Variants in LINGO2 observed in about 807,000 individuals in gnomAD.
LINGO2 encodes leucine-rich repeat and immunoglobulin-like domain-containing nogo receptor-interacting protein 2.
In LINGO2, 14 loss-of-function variants were observed where a neutral mutation model predicts 30.6. That is an observed-to-expected ratio of 0.46 (90% CI 0.30 to 0.72). The LOEUF is 0.72. Ranked by LOEUF, LINGO2 falls within the 30% of genes least tolerant of loss-of-function variation. The pLI is 0.07. For missense variants in LINGO2, 729 were observed against 751.7 expected (o/e 0.97, Z 0.35); for synonymous variants, 317 against 288.5 (o/e 1.10, Z -1.00).
chr9:28,267,246 A>G (rs1362168455), intron 4 of LINGO2, among the ~76,000 whole-genome samples: 2 of 151,846 alleles, frequency 1.3e-5, no homozygotes, highest in Admixed American at 1.3e-4. Flanking sequence ...AAGTGTTTAA[A>G]TCCATTACAA....
the LINGO2 span, among the ~76,000 whole-genome samples, chr9:28,907,892 A>G: frequency 2.0e-5 from 3 of 151,568 alleles, no homozygotes; most frequent in Non-Finnish European, 1.5e-5. Context: ...TACATCTCTG[A>G]AAATGAAGTT....
chr9:29,033,533 C>A, the LINGO2 span, among the ~76,000 whole-genome samples: 1 of 151,472 alleles, frequency 6.6e-6, no homozygotes, highest in Admixed American at 6.6e-5. Context: ...AGAAGTGTTG[C>A]CAAGATTGAG....
the LINGO2 span, among the ~76,000 whole-genome samples, chr9:29,175,887 C>T: frequency 3.3e-5 from 5 of 152,118 alleles, no homozygotes; most frequent in South Asian, 2.1e-4. Context: ...CAGCATGCCA[C>T]TTTCTTTCTT....
At chr9:28,310,274 C>G (rs957453699) in intron 3 of LINGO2, among the ~76,000 whole-genome samples, 2 of 152,106 alleles carry the variant, frequency 1.3e-5, no homozygotes, top group African/African-American at 2.4e-5. Flanking sequence ...TTTCCAAAAG[C>G]TGAAAACTAC....
the LINGO2 span, among the ~76,000 whole-genome samples, chr9:28,916,591 TAC>T: frequency 6.6e-6 from 1 of 152,196 alleles, no homozygotes; most frequent in Non-Finnish European, 1.5e-5. Flanking sequence ...CCCCCATCCC[TAC>T]ACAATTGCTT....
chr9:28,433,949 C>CTCTCTATATATATATATATATATATA (rs1225323260), intron 2 of LINGO2, among the ~76,000 whole-genome samples: 10 of 88,536 alleles, frequency 1.1e-4, no homozygotes, highest in African/African-American at 4.5e-4. Flanking sequence ...CTCTCTCTCT[C>CTCTCTATATATATATATATATATATA]TATATATATA....
At chr9:28,711,422 G>T in the LINGO2 span, among the ~76,000 whole-genome samples, 1 of 152,034 alleles carries the variant, frequency 6.6e-6, no homozygotes, top group Non-Finnish European at 1.5e-5. Context: ...AAAGTGTTTA[G>T]CCCAGAGGCT....
chr9:29,164,283 G>A, the LINGO2 span, among the ~76,000 whole-genome samples: 2 of 152,082 alleles, frequency 1.3e-5, no homozygotes, highest in Admixed American at 6.6e-5. Flanking sequence ...TAGAAGATTC[G>A]TGAGCAACAC....
chr9:28,390,217 G>A (rs1264088496), intron 2 of LINGO2, among the ~76,000 whole-genome samples: 3 of 152,102 alleles, frequency 2.0e-5, no homozygotes, highest in Non-Finnish European at 4.4e-5. Flanking sequence ...ACCACACATT[G>A]TGAGAAAATA....
intron 1 of LINGO2, among the ~76,000 whole-genome samples, chr9:28,624,016 G>C (rs370378580): frequency 5.9e-5 from 9 of 151,998 alleles, no homozygotes; most frequent in African/African-American, 1.9e-4. Context: ...CTGCTTTGTA[G>C]GTTGATTTGT....
the LINGO2 span, among the ~76,000 whole-genome samples, chr9:29,063,916 G>T: frequency 6.6e-6 from 1 of 152,114 alleles, no homozygotes. Context: ...AGGAAGATTG[G>T]TGATAAGTTT....
chr9:29,069,293 G>A, the LINGO2 span, among the ~76,000 whole-genome samples: 33 of 151,830 alleles, frequency 2.2e-4, no homozygotes, highest in African/African-American at 5.1e-4. Context: ...CTCTCATGAC[G>A]GAATGGCCTT....
chr9:28,122,280 T>A lies in LINGO2; in HGVS notation c.-86-109875A>T, dbSNP rs191467202. On this transcript the variant is annotated intron_variant, in intron 4 of 5. Transcript: ENST00000379992. ...AGACTCAAGCTATATGATGTTATTA[T>A]CAGCAGCACACTTTTTAAAATATTA... Among the ~76,000 whole-genome samples the A allele has an allele frequency of 3.9e-5, 6 of 152,300 alleles. No individual in the cohort carries two copies. In the East Asian group the frequency reaches 1.2e-3, roughly 29 times the overall value.
the LINGO2 span, among the ~76,000 whole-genome samples, chr9:29,146,019 G>A: frequency 6.6e-6 from 1 of 151,970 alleles, no homozygotes; most frequent in Admixed American, 6.5e-5. Context: ...CATATACATT[G>A]GTAAGTGAAC....
intron 4 of LINGO2, among the ~76,000 whole-genome samples, chr9:28,025,236 T>C (rs1823320948): frequency 6.6e-6 from 1 of 152,192 alleles, no homozygotes; most frequent in African/African-American, 2.4e-5. Flanking sequence ...AAGTTTCTGA[T>C]GCTGAGAAGA....
chr9:28,922,168 T>C, the LINGO2 span, among the ~76,000 whole-genome samples: 1 of 152,208 alleles, frequency 6.6e-6, no homozygotes, highest in Non-Finnish European at 1.5e-5. Flanking sequence ...CTCCATCTGC[T>C]TCTAGCTTTG....
At chr9:28,369,902 T>C (rs1208623175) in intron 3 of LINGO2, among the ~76,000 whole-genome samples, 1 of 152,188 alleles carries the variant, frequency 6.6e-6, no homozygotes, top group Non-Finnish European at 1.5e-5. Context: ...GTATAATCTC[T>C]GCTTCTTTGA....
the LINGO2 span, among the ~76,000 whole-genome samples, chr9:29,167,414 T>C: frequency 7.9e-5 from 12 of 152,272 alleles, no homozygotes; most frequent in African/African-American, 2.9e-4. Context: ...GACATTAAAG[T>C]TCTTAGTACT....
At chr9:28,219,643 A>G (rs1456655143) in intron 4 of LINGO2, among the ~76,000 whole-genome samples, 2 of 152,190 alleles carry the variant, frequency 1.3e-5, no homozygotes, top group Non-Finnish European at 2.9e-5. Context: ...ATCATGAAAC[A>G]TAGTCTAGAT....
Sources: gnomAD v4.1 joint callset for allele counts (sites outside exome capture counted in the v4.1 genomes callset) on GRCh38, gnomAD v4.1.1 for gene constraint, MANE v1.5 for transcripts, NCBI Gene and HGNC (gene_info 2026-07-23, HGNC 2026-07-21) for gene names.